Variants in TBX5 observed in about 807,000 individuals in gnomAD.
The protein encoded by TBX5 is T-box transcription factor TBX5.
TBX5 carries 8 observed loss-of-function variants against 51.1 expected under a neutral mutation model. The ratio of observed to expected loss-of-function variants is 0.16; its 90% confidence interval spans 0.09 to 0.28. The LOEUF (loss-of-function observed/expected upper bound fraction) is 0.28, where lower values mean the gene tolerates loss of function less well. Among genes scored for constraint, TBX5 ranks in the 10% least tolerant of loss-of-function variants. The probability of loss-of-function intolerance (pLI) is 1.00; values close to 1 mark genes in which losing one functional copy is unlikely to be tolerated. For missense variants in TBX5, 589 were observed against 671.7 expected, an observed-to-expected ratio of 0.88 and a Z score of 1.36; for synonymous variants, 302 against 266.4, an observed-to-expected ratio of 1.13 and a Z score of -1.30.
chr12:114,369,298 G>T (rs568868323), intron 7 of TBX5, among the ~76,000 whole-genome samples: 4 of 152,278 alleles, frequency 2.6e-5, no homozygotes, highest in African/African-American at 9.6e-5. Context: ...TTGCAAAATT[G>T]CTCTCTGGAA....
chr12:114,402,342 T>C (rs112542951), intron 2 of TBX5, among the ~76,000 whole-genome samples: 1,596 of 151,536 alleles, frequency 0.011, 31 homozygotes, highest in African/African-American at 0.029. Context: ...GGGGGATAGA[T>C]AAAAAACCTA....
intron 8 of TBX5, among the ~76,000 whole-genome samples, chr12:114,362,767 C>T (rs1416376114): frequency 3.3e-5 from 5 of 152,172 alleles, no homozygotes; most frequent in Non-Finnish European, 5.9e-5. Flanking sequence ...TGGGCTCAAG[C>T]AATCCTCCCA....
intron 1 of TBX5, among the ~76,000 whole-genome samples, chr12:114,405,242 A>G (rs2136426915): frequency 6.6e-6 from 1 of 152,264 alleles, no homozygotes; most frequent in East Asian, 1.9e-4. Context: ...GGCTTCAGGG[A>G]GGCGGCGACT....
chr12:114,362,306 G>A (rs1565926199), intron 8 of TBX5, among the ~76,000 whole-genome samples: 2 of 152,164 alleles, frequency 1.3e-5, no homozygotes, highest in African/African-American at 2.4e-5. Context: ...ACGTGCACTG[G>A]TGGTAGGATA....
intron 7 of TBX5, 31 bp from the exon 8 acceptor site, chr12:114,366,422 A>G (rs1309667646): frequency 5.0e-6 from 8 of 1,607,036 alleles, no homozygotes; most frequent in Middle Eastern, 1.8e-4. Context: ...GATAACGCCT[A>G]TCAGTGCCCT....
rs1872000801 is a variant in TBX5 at position 114,403,809 on chromosome 12, G to A, written c.90C>T (p.Ser30=). 6.2e-7 allele frequency: 1 copy of A among 1,614,106 alleles called. No individual in the cohort carries two copies. The highest frequency in any genetic ancestry group is 8.5e-7 in the Non-Finnish European group (1 of 1,180,022). Residue 30 remains serine (S), a synonymous_variant, in exon 2 of 9, where the codon AGC becomes AGT. Coordinates refer to ENST00000405440, the MANE Select transcript of TBX5 (RefSeq NM_181486.4). ...KDLPCDSKPE[S]ALGAPSKSPS... The stretch of plus-strand genomic sequence containing the variant: ...GGGACTTGCTGGGGGCCCCGAGCGC[G>A]CTCTCGGGTTTCGAATCGCAGGGCA...
chr12:114,399,400 C>G, intron 4 of TBX5, 113 bp downstream of exon 4: 1 of 1,488,150 alleles, frequency 6.7e-7, no homozygotes, highest in Non-Finnish European at 9.3e-7. Flanking sequence ...ACGCCTTTAG[C>G]ACACAGTAGG....
intron 8 of TBX5, among the ~76,000 whole-genome samples, chr12:114,358,506 C>T (rs762943465): frequency 7.9e-5 from 12 of 152,150 alleles, no homozygotes; most frequent in Non-Finnish European, 1.5e-5. Context: ...GTCCAAGTGA[C>T]ACCCACAGAT....
At chr12:114,406,387 A>G (rs1182237213), upstream of TBX5, among the ~76,000 whole-genome samples, 6 of 151,898 alleles carry the variant, frequency 4.0e-5, no homozygotes, top group Non-Finnish European at 1.5e-5. Flanking sequence ...TGCACAAATC[A>G]TTTCAAACGC....
At chr12:114,402,234 C>T (rs983906967) in intron 2 of TBX5, among the ~76,000 whole-genome samples, 1 of 151,946 alleles carries the variant, frequency 6.6e-6, no homozygotes, top group Admixed American at 6.5e-5. Context: ...TCCGGAATGT[C>T]ACTGAGGAGG....
upstream of TBX5, chr12:114,407,814 C>G (rs1050147826): frequency 5.1e-6 from 5 of 985,340 alleles, no homozygotes; most frequent in African/African-American, 3.5e-5. Flanking sequence ...TGAAACTCAC[C>G]TCCAACTATC....
At position 114,356,558 on chromosome 12, in the gene TBX5, C is replaced by G. The variant is rs894558515; in HGVS notation, c.983-452G>C. Among the ~76,000 whole-genome samples the G allele has an allele frequency of 2.0e-5, 3 of 152,040 alleles. No individual in the cohort carries two copies. In the East Asian group the frequency reaches 5.8e-4, roughly 29 times the overall value. On this transcript the variant is annotated intron_variant, in intron 8 of 8. Transcript: ENST00000405440. ...CAGCCTGGGCAACATAGTGAGACCCCCCATCTCAAAAATAAATAAATAGCA... is the reference window on the plus strand; with the variant it reads ...CAGCCTGGGCAACATAGTGAGACCCGCCATCTCAAAAATAAATAAATAGCA...
At chr12:114,362,630 A>G (rs577577607) in intron 8 of TBX5, among the ~76,000 whole-genome samples, 6 of 152,174 alleles carry the variant, frequency 3.9e-5, no homozygotes, top group African/African-American at 1.4e-4. Context: ...AACACTTTGC[A>G]TATCTCCTTT....
chr12:114,390,569 G>A (rs896560508), intron 6 of TBX5, among the ~76,000 whole-genome samples: 2 of 152,160 alleles, frequency 1.3e-5, no homozygotes, highest in Non-Finnish European at 2.9e-5. Context: ...ACCCTCACGA[G>A]GACCAAAAAT....
At chr12:114,399,734 C>T in intron 3 of TBX5, 102 bp from the exon 4 acceptor site, 1 of 1,579,850 alleles carries the variant, frequency 6.3e-7, no homozygotes. Context: ...CCTGGAGAAA[C>T]GTGGAAGCGG....
chr12:114,376,386 C>G (rs985743051), intron 7 of TBX5, among the ~76,000 whole-genome samples: 1 of 152,056 alleles, frequency 6.6e-6, no homozygotes, highest in Admixed American at 6.6e-5. Context: ...TGAAACAAGC[C>G]GGACACAGAA....
In TBX5 at chr12:114,355,712, G is replaced by T. The variant is rs913297012; in HGVS notation, c.1377C>A (p.Thr459=). The T allele has an allele frequency of 1.2e-6, 2 of 1,614,150 alleles. No individual in the cohort carries two copies. Among genetic ancestry groups the T allele is most frequent in the Non-Finnish European group, 1.7e-6 (2 of 1,180,008 alleles). Residue 459 remains threonine (T), a synonymous_variant, in exon 9 of 9, where the codon ACC becomes ACA. Coordinates refer to ENST00000405440, the MANE Select transcript of TBX5 (RefSeq NM_181486.4). ...TGACCACAGGCTGGTGGGCCACGGA[G>T]GTCTGGTGCTGGAACATTCCCTCTC... ...QLGEGMFQHQ[T]SVAHQPVVRQ...
rs55649814 is a variant in TBX5 at position 114,389,753 on chromosome 12, CAAAAAAAAAAAAAAAAA to C, written c.664-4203_664-4187del. Among the ~76,000 whole-genome samples, 110 of 40,270 alleles carry C rather than the reference CAAAAAAAAAAAAAAAAA, an allele frequency of 2.7e-3. 2 individuals carry two copies. Among genetic ancestry groups the C allele is most frequent in the Non-Finnish European group, 3.6e-3 (82 of 22,670 alleles). The allele number at this position is 40,270 out of a possible 152,430, so 26.4% of individuals were successfully genotyped here. A position where few individuals can be genotyped will look rare whatever the true frequency, so the allele number is the denominator to read the frequency against. On this transcript the variant is annotated intron_variant, in intron 6 of 8. Transcript: ENST00000405440. Reference sequence around the variant, plus strand: ...TGGGCGACAGAGCGAGACTCCGTCTCAAAAAAAAAAAAAAAAAAAAAAAAAAAAAAAAAAAAGTGGAT... The same window carrying C: ...TGGGCGACAGAGCGAGACTCCGTCTCAAAAAAAAAAAAAAAAAAAGTGGAT...
At chr12:114,370,005 A>G (rs1441961820) in intron 7 of TBX5, among the ~76,000 whole-genome samples, 4 of 152,136 alleles carry the variant, frequency 2.6e-5, no homozygotes, top group African/African-American at 7.2e-5. Context: ...CTGTAATTCC[A>G]GCACTTTGGG....
Sources: gnomAD v4.1 joint callset for allele counts (sites outside exome capture counted in the v4.1 genomes callset) on GRCh38, gnomAD v4.1.1 for gene constraint, MANE v1.5 for transcripts, NCBI Gene and HGNC (gene_info 2026-07-23, HGNC 2026-07-21) for gene names.